MYO1D: variants seen among roughly 807,000 people sequenced by gnomAD.
MYO1D encodes the protein myosin ID.
MYO1D carries 83 observed loss-of-function variants against 122.0 expected under a neutral mutation model. That is an observed-to-expected ratio of 0.68 (90% CI 0.57 to 0.82). The LOEUF is 0.82. Among genes scored for constraint, MYO1D ranks in the 40% least tolerant of loss-of-function variants. The pLI, the probability that MYO1D is intolerant of heterozygous loss-of-function variation, is 0.00. For synonymous variants in MYO1D, 464 were observed against 446.9 expected, an observed-to-expected ratio of 1.04 and a Z score of -0.48; for missense variants, 1,157 against 1,269.5, an observed-to-expected ratio of 0.91 and a Z score of 1.35.
rs1017825756 is a variant in MYO1D at position 32,735,469 on chromosome 17, C to T, written c.1746+2784G>A. Among the ~76,000 whole-genome samples, 12 of 152,284 alleles carry T rather than the reference C, an allele frequency of 7.9e-5. 1 individual carries two copies. The highest frequency in any genetic ancestry group is 2.6e-4 in the Admixed American group (4 of 15,296). On this transcript the variant is annotated intron_variant, in intron 14 of 21. Coordinates refer to ENST00000318217, the MANE Select transcript of MYO1D (RefSeq NM_015194.3). ...AAGTGCTGGGATTACAGGTATAAGC[C>T]GCCATGTCTGGCCTTGATGTATACT...
chr17:32,545,521 T>C (rs2150881025), intron 21 of MYO1D, among the ~76,000 whole-genome samples: 1 of 152,276 alleles, frequency 6.6e-6, no homozygotes, highest in East Asian at 1.9e-4. Flanking sequence ...TTCCACCTCT[T>C]ATTAGGAAGA....
intron 19 of MYO1D, among the ~76,000 whole-genome samples, chr17:32,653,555 G>C (rs541652042): frequency 1.6e-3 from 236 of 143,932 alleles, no homozygotes; most frequent in African/African-American, 6.0e-3. Flanking sequence ...GCAGTGAGCC[G>C]AGATTACGCC....
At chr17:32,565,720 C>CAG (rs1187953786) in intron 21 of MYO1D, among the ~76,000 whole-genome samples, 16 of 105,936 alleles carry the variant, frequency 1.5e-4, no homozygotes, top group Middle Eastern at 5.1e-3. Flanking sequence ...ACACCTGTTT[C>CAG]AGAGTGTGTG....
rs912846946 is a variant in MYO1D, at chr17:32,702,311, A to G, written c.2121+9677T>C. On this transcript the variant is annotated intron_variant, in intron 16 of 21. Transcript: ENST00000318217. ...ATAAAATCACATACCCTATTTTTGA[A>G]TATTTTCATAATATTAGTTTGCTAG... Among the ~76,000 whole-genome samples the G allele has an allele frequency of 6.6e-5, 10 of 152,168 alleles. No homozygotes were observed. The East Asian group carries it at 1.7e-3, about 26-fold the overall frequency.
intron 6 of MYO1D, among the ~76,000 whole-genome samples, chr17:32,769,187 GT>G (rs1280228669): frequency 6.6e-6 from 1 of 151,920 alleles, no homozygotes; most frequent in Non-Finnish European, 1.5e-5. Flanking sequence ...TCTTGGGGAG[GT>G]TTCCCTAGCT....
At chr17:32,609,514 C>A (rs1043098746) in intron 20 of MYO1D, among the ~76,000 whole-genome samples, 10 of 152,172 alleles carry the variant, frequency 6.6e-5, no homozygotes, top group Non-Finnish European at 1.2e-4. Flanking sequence ...TGCAGTGTCA[C>A]TTAGTTCCAT....
intron 21 of MYO1D, among the ~76,000 whole-genome samples, chr17:32,587,246 T>A (rs1360833956): frequency 6.6e-6 from 1 of 152,202 alleles, no homozygotes; most frequent in Non-Finnish European, 1.5e-5. Context: ...GGGCTGTGGC[T>A]CACGCCTGTA....
intron 7 of MYO1D, among the ~76,000 whole-genome samples, chr17:32,765,592 G>A (rs930504346): frequency 6.6e-6 from 1 of 151,980 alleles, no homozygotes; most frequent in African/African-American, 2.4e-5. Flanking sequence ...CTGAAGAGCT[G>A]GGACTACAGG....
At chr17:32,740,790 CA>C (rs1399513118) in intron 13 of MYO1D, among the ~76,000 whole-genome samples, 3 of 152,094 alleles carry the variant, frequency 2.0e-5, no homozygotes, top group African/African-American at 4.8e-5. Flanking sequence ...GTAATATTAA[CA>C]AAATAGTTTT....
chr17:32,719,500 G>A (rs1411758308), intron 15 of MYO1D, among the ~76,000 whole-genome samples: 2 of 152,038 alleles, frequency 1.3e-5, no homozygotes, highest in Admixed American at 6.6e-5. Flanking sequence ...ACAGGCGCCC[G>A]CCACCACGCC....
chr17:32,681,610 TGA>T lies in MYO1D; in HGVS notation c.2122-22274_2122-22273del, dbSNP rs532180431. On this transcript the variant is annotated intron_variant, in intron 16 of 21. Coordinates refer to ENST00000318217, the MANE Select transcript of MYO1D (RefSeq NM_015194.3). ...GTTCTAGTTTGATTGCACTGTGGTCTGAGAGAAGTTTGTTATAATTCCTGTTC... is the reference window on the plus strand; with the variant it reads ...GTTCTAGTTTGATTGCACTGTGGTCTGAGAAGTTTGTTATAATTCCTGTTC... 9.0e-3 allele frequency among the ~76,000 whole-genome samples: 1,367 copies of T among 152,290 alleles called. 11 individuals carry two copies. Among genetic ancestry groups the T allele is most frequent in the Non-Finnish European group, 0.013 (897 of 68,036 alleles).
chr17:32,540,738 C>T (rs1207025975), intron 21 of MYO1D, among the ~76,000 whole-genome samples: 4 of 151,888 alleles, frequency 2.6e-5, no homozygotes, highest in Admixed American at 6.6e-5. Flanking sequence ...CCAGCCTGGA[C>T]AACATGGTGA....
chr17:32,856,278 T>C (rs1465490489), intron 1 of MYO1D, among the ~76,000 whole-genome samples: 1 of 152,194 alleles, frequency 6.6e-6, no homozygotes, highest in Non-Finnish European at 1.5e-5. Flanking sequence ...TCACATCTCC[T>C]CAGACATCTC....
intron 21 of MYO1D, among the ~76,000 whole-genome samples, chr17:32,575,902 C>G (rs951508139): frequency 3.9e-5 from 6 of 152,182 alleles, no homozygotes; most frequent in Non-Finnish European, 7.3e-5. Context: ...AAGGTAGGTT[C>G]CTAGTATGCT....
At chr17:32,507,046 G>A (rs537957809) in intron 21 of MYO1D, among the ~76,000 whole-genome samples, 3 of 152,282 alleles carry the variant, frequency 2.0e-5, no homozygotes, top group East Asian at 3.9e-4. Context: ...AGTTTACCAA[G>A]AAGATGCTCT....
At chr17:32,607,991 T>C (rs933989890) in intron 20 of MYO1D, among the ~76,000 whole-genome samples, 3 of 152,148 alleles carry the variant, frequency 2.0e-5, no homozygotes, top group African/African-American at 7.2e-5. Flanking sequence ...CAATTCAGAG[T>C]GCACTATAAG....
chr17:32,862,601 T>C (rs921491981), intron 1 of MYO1D, among the ~76,000 whole-genome samples: 6 of 152,228 alleles, frequency 3.9e-5, no homozygotes, highest in Non-Finnish European at 7.3e-5. Flanking sequence ...TTATGGATAA[T>C]CTGAGGACAG....
At chr17:32,716,032 A>C (rs949540026) in intron 15 of MYO1D, among the ~76,000 whole-genome samples, 2 of 151,502 alleles carry the variant, frequency 1.3e-5, no homozygotes, top group Non-Finnish European at 2.9e-5. Context: ...CATTCTGCAT[A>C]CATCAGTCAG....
intron 16 of MYO1D, among the ~76,000 whole-genome samples, chr17:32,696,261 A>T (rs1372682658): frequency 6.6e-6 from 1 of 152,116 alleles, no homozygotes; most frequent in Non-Finnish European, 1.5e-5. Flanking sequence ...AAAACTGACT[A>T]TTATTAGGAA....
Sources: allele counts gnomAD v4.1 joint callset (sites outside exome capture counted in the v4.1 genomes callset), GRCh38; gene constraint gnomAD v4.1.1; transcripts MANE v1.5; gene names NCBI Gene and HGNC (gene_info 2026-07-23, HGNC 2026-07-21).